RAB2A: variants seen among roughly 807,000 people sequenced by gnomAD.
RAB2A encodes ras-related protein Rab-2A.
RAB2A carries 7 observed loss-of-function variants against 32.5 expected under a neutral mutation model. The ratio of observed to expected loss-of-function variants is 0.22; its 90% CI spans 0.12 to 0.40. The LOEUF is 0.40. Ranked by LOEUF, RAB2A falls within the 10% of genes least tolerant of loss-of-function variation. RAB2A has a pLI of 1.00. For synonymous variants in RAB2A, 79 were observed against 85.2 expected (o/e 0.93, Z 0.40); for missense variants, 108 against 260.7 (o/e 0.41, Z 4.03).
intron 5 of RAB2A, among the ~76,000 whole-genome samples, chr8:60,587,770 A>G (rs1803874296): frequency 6.6e-6 from 1 of 152,236 alleles, no homozygotes; most frequent in Non-Finnish European, 1.5e-5. Context: ...ATTTAAATAA[A>G]TAAATTTGAA....
Position 60,517,052 on chromosome 8 carries a change from T to C in RAB2A, c.-156T>C. 1 of 657,978 alleles carries C rather than the reference T, an allele frequency of 1.5e-6. No homozygotes were observed. The allele number at this position is 657,978 out of a possible 1,614,324, so 40.8% of individuals were successfully genotyped here. A position where few individuals can be genotyped will look rare whatever the true frequency, so the allele number is the denominator to read the frequency against. On this transcript the variant is annotated 5_prime_UTR_variant, in exon 1 of 8. Transcript: ENST00000262646. Reference sequence around the variant, plus strand: ...TCTGCGGGTGTCAGTTCGTCCGGCTTCCTCACAGCCCCTCACTCCCGGCGG... The same window carrying C: ...TCTGCGGGTGTCAGTTCGTCCGGCTCCCTCACAGCCCCTCACTCCCGGCGG...
At chr8:60,617,391 A>T (rs952515718) in intron 6 of RAB2A, among the ~76,000 whole-genome samples, 2 of 150,406 alleles carry the variant, frequency 1.3e-5, no homozygotes, top group Non-Finnish European at 3.0e-5. Context: ...TTATCATGGC[A>T]AAAAAGGCCC....
chr8:60,603,510 G>T (rs1804173483), intron 6 of RAB2A, among the ~76,000 whole-genome samples: 1 of 152,206 alleles, frequency 6.6e-6, no homozygotes, highest in Non-Finnish European at 1.5e-5. Context: ...AGGATCTGTT[G>T]AGGGGGAAAA....
At chr8:60,558,381 T>A (rs1245427217) in intron 1 of RAB2A, 1 of 484,728 alleles carries the variant, frequency 2.1e-6, no homozygotes. Context: ...GCTTGTGAAA[T>A]GAATTAGCGA....
intron 3 of RAB2A, among the ~76,000 whole-genome samples, chr8:60,582,051 T>A (rs898625687): frequency 7.9e-5 from 12 of 151,630 alleles, no homozygotes; most frequent in African/African-American, 2.9e-4. Flanking sequence ...GCTCAAGTGA[T>A]CCTCCTGCTT....
intron 1 of RAB2A, among the ~76,000 whole-genome samples, chr8:60,546,846 G>T (rs1807734808): frequency 6.6e-6 from 1 of 151,486 alleles, no homozygotes; most frequent in African/African-American, 2.4e-5. Context: ...GAGGTGTGAG[G>T]CCTGAGCATC....
At chr8:60,604,248 A>G (rs1037361843) in intron 6 of RAB2A, among the ~76,000 whole-genome samples, 3 of 152,152 alleles carry the variant, frequency 2.0e-5, no homozygotes, top group Non-Finnish European at 4.4e-5. Context: ...AGCAGATACC[A>G]CTATCATGCT....
At chr8:60,619,209 A>G (rs1563489161) in intron 7 of RAB2A, 1 of 152,160 alleles carries the variant, frequency 6.6e-6, no homozygotes, top group Non-Finnish European at 1.5e-5. Flanking sequence ...TGTTTTGGTC[A>G]ACATGATTAG....
At chr8:60,556,655 A>AC (rs1460293592) in intron 1 of RAB2A, among the ~76,000 whole-genome samples, 1 of 151,180 alleles carries the variant, frequency 6.6e-6, no homozygotes, top group Non-Finnish European at 1.5e-5. Context: ...AAAAAAAAAA[A>AC]AAAAAAAGAG....
rs115697544 is a variant in RAB2A at position 60,538,862 on chromosome 8, C to T, written c.47-19990C>T. ...GAGCAAGAAGGCAGTCAATTGAAAA[C>T]TGGCACATGAGAGTACTCACTACCT... On this transcript the variant is annotated intron_variant, in intron 1 of 7. Transcript: ENST00000262646. 8.1e-3 allele frequency among the ~76,000 whole-genome samples: 1,236 copies of T among 152,314 alleles called. 15 individuals are homozygous for T. The highest frequency in any genetic ancestry group is 0.027 in the African/African-American group (1,133 of 41,566).
In RAB2A at chr8:60,622,171, G is replaced by A. The variant is rs1418107457; in HGVS notation, c.*1402G>A. On this transcript the variant is annotated 3_prime_UTR_variant, in exon 8 of 8. Transcript: ENST00000262646. Reference sequence around the variant, plus strand: ...ATCTCACCATACTGAAATTATTTTTGTTGATGGTGTAAGCAGTGTAAGCAA... The same window carrying A: ...ATCTCACCATACTGAAATTATTTTTATTGATGGTGTAAGCAGTGTAAGCAA... The A allele has an allele frequency of 6.6e-6, 1 of 152,118 alleles. No individual in the cohort carries two copies. The highest frequency in any genetic ancestry group is 2.4e-5 in the African/African-American group (1 of 41,414). The allele number at this position is 152,118 out of a possible 1,614,324, so 9.4% of individuals were successfully genotyped here.
At chr8:60,584,366 A>G (rs1803815162) in intron 4 of RAB2A, 76 bp downstream of exon 4, 2 of 1,264,576 alleles carry the variant, frequency 1.6e-6, no homozygotes, top group Admixed American at 1.7e-5. Context: ...AACAGTAATG[A>G]AAGAATAGCT....
intron 2 of RAB2A, among the ~76,000 whole-genome samples, chr8:60,559,431 A>G (rs1400490826): frequency 6.6e-6 from 1 of 152,214 alleles, no homozygotes; most frequent in Non-Finnish European, 1.5e-5. Context: ...ATAATTATTA[A>G]CTGAGAAAAA....
intron 6 of RAB2A, among the ~76,000 whole-genome samples, chr8:60,610,110 C>T (rs1428312643): frequency 6.6e-6 from 1 of 151,716 alleles, no homozygotes; most frequent in African/African-American, 2.4e-5. Flanking sequence ...GCTAGGTAAA[C>T]CCCCACCCTT....
At chr8:60,550,230 A>C (rs2130824704) in intron 1 of RAB2A, among the ~76,000 whole-genome samples, 1 of 152,280 alleles carries the variant, frequency 6.6e-6, no homozygotes, top group South Asian at 2.1e-4. Flanking sequence ...GATCATTCTT[A>C]ACACACTTCT....
At chr8:60,617,505 C>T (rs1804465628) in intron 6 of RAB2A, among the ~76,000 whole-genome samples, 1 of 151,964 alleles carries the variant, frequency 6.6e-6, no homozygotes, top group Admixed American at 6.6e-5. Context: ...TCTCATATTC[C>T]AATATTCTTT....
chr8:60,533,918 G>A (rs1413604616), intron 1 of RAB2A, among the ~76,000 whole-genome samples: 3 of 152,140 alleles, frequency 2.0e-5, no homozygotes, highest in African/African-American at 7.2e-5. Context: ...AGCTGGGATC[G>A]CACCACTATA....
At chr8:60,596,146 C>G (rs1023849079) in intron 6 of RAB2A, among the ~76,000 whole-genome samples, 1 of 152,132 alleles carries the variant, frequency 6.6e-6, no homozygotes, top group Admixed American at 6.5e-5. Flanking sequence ...CAAAAATTAA[C>G]TCAAGATGGA....
chr8:60,563,752 A>T (rs79780456), intron 2 of RAB2A, among the ~76,000 whole-genome samples: 1 of 152,106 alleles, frequency 6.6e-6, no homozygotes, highest in African/African-American at 2.4e-5. Context: ...AATTACTAAC[A>T]ATTTTTTTAC....
Sources: allele counts gnomAD v4.1 joint callset (sites outside exome capture counted in the v4.1 genomes callset), GRCh38; gene constraint gnomAD v4.1.1; transcripts MANE v1.5; gene names NCBI Gene and HGNC (gene_info 2026-07-23, HGNC 2026-07-21).